The following ANO6 variants were observed in gnomAD, a reference collection of about 807,000 sequenced individuals.
ANO6 encodes the protein anoctamin-6.
In ANO6, 106 loss-of-function variants were observed where a neutral mutation model predicts 117.5. That is an observed-to-expected ratio of 0.90 (90% CI 0.77 to 1.06). The LOEUF is 1.06. ANO6 is among the 50% of genes least tolerant of loss of function. The pLI is 0.00. For missense variants in ANO6, 955 were observed against 1,121.1 expected, an observed-to-expected ratio of 0.85 and a Z score of 2.12; for synonymous variants, 367 against 385.1, an observed-to-expected ratio of 0.95 and a Z score of 0.55.
intron 1 of ANO6, among the ~76,000 whole-genome samples, chr12:45,261,613 G>C (rs1426569692): frequency 6.6e-6 from 1 of 152,220 alleles, no homozygotes; most frequent in Non-Finnish European, 1.5e-5. Context: ...CAAAGGACTT[G>C]CTTCTAATTT....
At position 45,221,379 on chromosome 12, in the gene ANO6, A is replaced by T. The variant is rs1400147398; in HGVS notation, c.70+4988A>T. On this transcript the variant is annotated intron_variant, in intron 1 of 19. Transcript: ENST00000320560. ...TTCACAGAAGAGATTTTTGGGTCAG[A>T]TGCTGAAAGACTAGGAAAATGTAGT... Among the ~76,000 whole-genome samples the T allele has an allele frequency of 2.6e-5, 4 of 152,226 alleles. No homozygotes were observed. The East Asian group carries it at 7.7e-4, about 29-fold the overall frequency.
rs1317793284 is a variant in ANO6, at chr12:45,235,667, A to T, written c.70+19276A>T. Reference sequence around the variant, plus strand: ...ATTCTCCTCATTCTTCAGTATGGAAAATGGATATTTTCTCAGTCTTGTGCA... The same window carrying T: ...ATTCTCCTCATTCTTCAGTATGGAATATGGATATTTTCTCAGTCTTGTGCA... On this transcript the variant is annotated intron_variant, in intron 1 of 19. Coordinates refer to ENST00000320560, the MANE Select transcript of ANO6 (RefSeq NM_001025356.3). Among the ~76,000 whole-genome samples the T allele has an allele frequency of 2.0e-5, 3 of 152,206 alleles. No individual in the cohort carries two copies. The East Asian group carries it at 5.8e-4, about 29-fold the overall frequency.
At chr12:45,281,487 G>A (rs565883419) in intron 1 of ANO6, among the ~76,000 whole-genome samples, 1 of 152,328 alleles carries the variant, frequency 6.6e-6, no homozygotes, top group African/African-American at 2.4e-5. Context: ...TACAATCATG[G>A]CGGAAGGCGA....
intron 7 of ANO6, among the ~76,000 whole-genome samples, chr12:45,354,809 A>C (rs1236877374): frequency 1.3e-5 from 2 of 152,234 alleles, no homozygotes; most frequent in South Asian, 2.1e-4. Context: ...TGTTTATAGA[A>C]TCATAATAAT....
At chr12:45,337,842 G>A (rs1416505338) in intron 3 of ANO6, among the ~76,000 whole-genome samples, 1 of 151,578 alleles carries the variant, frequency 6.6e-6, no homozygotes, top group Non-Finnish European at 1.5e-5. Context: ...GCTTGATTTT[G>A]GCTTCCATTA....
rs1007138903 is a variant in ANO6, at chr12:45,216,175, C to T, written c.-147C>T. ...CGGTGGGTGCCTCGGCTCGGCTTTC[C>T]CCGGCGCTGGCTGGGCTCAGCGGCC... is the stretch of plus-strand genomic sequence containing the variant. On this transcript the variant is annotated 5_prime_UTR_variant, in exon 1 of 20. Transcript: ENST00000320560. 8.6e-6 allele frequency: 8 copies of T among 925,438 alleles called. No homozygotes were observed. Among genetic ancestry groups the T allele is most frequent in the African/African-American group, 6.7e-5 (4 of 59,510 alleles). The allele number at this position is 925,438 out of a possible 1,614,324, so 57.3% of individuals were successfully genotyped here. A position where few individuals can be genotyped will look rare whatever the true frequency, so the allele number is the denominator to read the frequency against.
chr12:45,387,683 G>T (rs1267670068), intron 10 of ANO6, among the ~76,000 whole-genome samples: 3 of 152,018 alleles, frequency 2.0e-5, no homozygotes, highest in African/African-American at 4.8e-5. Context: ...ATTTAGATTT[G>T]ATTTGCCATA....
At chr12:45,350,241 C>T (rs1007652119) in intron 6 of ANO6, among the ~76,000 whole-genome samples, 6 of 152,180 alleles carry the variant, frequency 3.9e-5, no homozygotes, top group Non-Finnish European at 8.8e-5. Context: ...TTAGAATTGA[C>T]CCTGCTGCTA....
rs190783263 is a variant in ANO6, at chr12:45,258,699, C to G, written c.70+42308C>G. Among the ~76,000 whole-genome samples the G allele has an allele frequency of 2.0e-5, 3 of 152,220 alleles. No homozygotes were observed. In the East Asian group the frequency reaches 5.8e-4, roughly 29 times the overall value. On this transcript the variant is annotated intron_variant, in intron 1 of 19. Coordinates refer to ENST00000320560, the MANE Select transcript of ANO6 (RefSeq NM_001025356.3). ...CACACCAATTTTGTCTAGTTTATTG[C>G]CACTCCTCCCCTAAGATTTTGCTTA...
chr12:45,242,486 C>T (rs1296180120), intron 1 of ANO6, among the ~76,000 whole-genome samples: 1 of 152,214 alleles, frequency 6.6e-6, no homozygotes, highest in African/African-American at 2.4e-5. Flanking sequence ...GTCGTGGCTT[C>T]CCTCGACTAG....
chr12:45,262,215 T>A (rs901547141), intron 1 of ANO6, among the ~76,000 whole-genome samples: 7 of 152,194 alleles, frequency 4.6e-5, no homozygotes, highest in African/African-American at 1.4e-4. Flanking sequence ...TTTAAAAAAA[T>A]GCAAATGTAG....
rs774897245 is a variant in ANO6, at chr12:45,401,993, A to AAAG, written c.1586_1588dup (p.Lys529_Val530insGlu). 1 of 1,613,944 alleles carries AAAG rather than the reference A, an allele frequency of 6.2e-7. No homozygotes were observed. The highest frequency in any genetic ancestry group is 8.5e-7 in the Non-Finnish European group (1 of 1,179,950). ...CATGATTCTGAACACCATATATGAA[A>AAAG]AAGTGGCAATTATGATTACTAACTT... On this transcript the variant is annotated inframe_insertion, in exon 13 of 20. Transcript: ENST00000320560.
intron 2 of ANO6, among the ~76,000 whole-genome samples, chr12:45,323,070 T>C (rs1269745013): frequency 6.6e-6 from 1 of 152,230 alleles, no homozygotes; most frequent in Non-Finnish European, 1.5e-5. Context: ...TGTTTATAAT[T>C]CTTTAATGGT....
intron 19 of ANO6, among the ~76,000 whole-genome samples, chr12:45,426,774 C>T (rs1198700821): frequency 6.6e-6 from 1 of 152,098 alleles, no homozygotes; most frequent in Non-Finnish European, 1.5e-5. Context: ...TCCTGGGACT[C>T]ATCCCTTGGT....
At chr12:45,292,577 C>T (rs1939138178) in intron 1 of ANO6, 1 of 910,496 alleles carries the variant, frequency 1.1e-6, no homozygotes, top group Non-Finnish European at 1.3e-6. Flanking sequence ...TCTATAAAAG[C>T]ATTAGGTAAT....
intron 1 of ANO6, among the ~76,000 whole-genome samples, chr12:45,223,805 C>T (rs1947441345): frequency 6.6e-6 from 1 of 152,170 alleles, no homozygotes; most frequent in Non-Finnish European, 1.5e-5. Context: ...TGTAAGCTCC[C>T]TGAAGACTGG....
intron 2 of ANO6, among the ~76,000 whole-genome samples, chr12:45,322,114 A>G (rs190087187): frequency 6.6e-6 from 1 of 152,238 alleles, no homozygotes; most frequent in East Asian, 1.9e-4. Context: ...AACATCTAGT[A>G]TTATTATGAA....
intron 16 of ANO6, among the ~76,000 whole-genome samples, chr12:45,412,665 T>A (rs1191648476): frequency 6.6e-6 from 1 of 152,192 alleles, no homozygotes. Flanking sequence ...ACTAGGTAAT[T>A]GGGAGGATTT....
chr12:45,293,729 GTTTTTTTTTTTT>G (rs138396024), intron 1 of ANO6, among the ~76,000 whole-genome samples: 5 of 48,406 alleles, frequency 1.0e-4, no homozygotes, highest in East Asian at 6.8e-4. Flanking sequence ...CCTGGCTAAT[GTTTTTTTTTTTT>G]TTTTTTTTTT....
Sources: allele counts gnomAD v4.1 joint callset (sites outside exome capture counted in the v4.1 genomes callset), GRCh38; gene constraint gnomAD v4.1.1; transcripts MANE v1.5; gene names NCBI Gene and HGNC (gene_info 2026-07-23, HGNC 2026-07-21).